The following CLMN variants were observed in gnomAD, a reference collection of about 807,000 sequenced individuals.
CLMN encodes calmin (calponin-like, transmembrane).
CLMN carries 57 observed loss-of-function variants against 92.7 expected under a neutral mutation model. The observed-to-expected ratio is 0.61, with a 90% CI of 0.50 to 0.77. CLMN has a LOEUF of 0.77. Ranked by LOEUF, CLMN falls within the 30% of genes least tolerant of loss-of-function variation. CLMN has a pLI of 0.00. For synonymous variants in CLMN, 466 were observed against 470.6 expected (o/e 0.99, Z 0.13); for missense variants, 1,158 against 1,237.5 (o/e 0.94, Z 0.96).
intron 1 of CLMN, among the ~76,000 whole-genome samples, chr14:95,314,013 T>C (rs936834572): frequency 2.0e-5 from 3 of 152,260 alleles, no homozygotes; most frequent in Admixed American, 6.5e-5. Context: ...AAGTCGTGGC[T>C]GCTGACACGT....
In CLMN at chr14:95,191,816, C is replaced by A; in HGVS notation, c.2841-84G>T. 1 of 1,363,132 alleles carries A rather than the reference C, an allele frequency of 7.3e-7. No individual in the cohort carries two copies. Among genetic ancestry groups the A allele is most frequent in the South Asian group, 1.4e-5 (1 of 72,846 alleles). 84.4% of individuals were successfully genotyped at this position (1,363,132 alleles called of 1,614,324 possible). A position where few individuals can be genotyped will look rare whatever the true frequency, so the allele number is the denominator to read the frequency against. On this transcript the variant is annotated intron_variant, in intron 12 of 12. Coordinates refer to ENST00000298912, the MANE Select transcript of CLMN (RefSeq NM_024734.4). The surrounding 1 kb of genome is among the most constrained non-coding windows in gnomAD (Gnocchi z 5.3). ...CCACCCAGTGCTACCCGTCTCTCCC[C>A]GGCCCCCACTCCCCGCCTGAAGACC...
intron 1 of CLMN, among the ~76,000 whole-genome samples, chr14:95,262,477 TCAGG>T (rs1321854099): frequency 2.6e-5 from 4 of 152,246 alleles, no homozygotes; most frequent in African/African-American, 9.6e-5. Flanking sequence ...TTGTTATGTG[TCAGG>T]CAGGCACTGT....
In CLMN at chr14:95,194,180, A is replaced by G; in HGVS notation, c.2770-261T>C. On this transcript the variant is annotated intron_variant, in intron 11 of 12. Transcript: ENST00000298912. This position sits in a 1 kb window ranked among gnomAD's most constrained non-coding sequence, Gnocchi z 4.0. ...GGTGTGCTGCTCCGGGTTCTAACAC[A>G]TCTGCTACTGAGCACGTGCCACTGT... 7.2e-7 allele frequency: 1 copy of G among 1,397,162 alleles called. No individual in the cohort carries two copies. Among genetic ancestry groups the G allele is most frequent in the Middle Eastern group, 2.7e-4 (1 of 3,754 alleles). The allele number at this position is 1,397,162 out of a possible 1,614,324, so 86.5% of individuals were successfully genotyped here.
Position 95,215,652 on chromosome 14 carries a change from G to A in CLMN, c.406C>T (p.Leu136Phe), listed in dbSNP as rs751447764. The A allele has an allele frequency of 6.2e-7, 1 of 1,613,340 alleles. No individual in the cohort carries two copies. Among genetic ancestry groups the A allele is most frequent in the Non-Finnish European group, 8.5e-7 (1 of 1,179,424 alleles). Residue 136 changes from leucine to phenylalanine, a missense_variant, in exon 5 of 13, where the codon CTC (leucine) becomes TTC (phenylalanine). Transcript: ENST00000298912. ...AGAAATGATCTTACCTGGAAGAAGA[G>A]GATTATGTTCCATATCAGCCCAAGA... Reference protein sequence around the residue: ...LVLGLIWNIILFFQIKELTGN... With the variant: ...LVLGLIWNIIFFFQIKELTGN...
intron 1 of CLMN, among the ~76,000 whole-genome samples, chr14:95,289,530 C>A (rs1900480168): frequency 6.6e-6 from 1 of 151,170 alleles, no homozygotes; most frequent in Non-Finnish European, 1.5e-5. Flanking sequence ...AACAAAAAAA[C>A]CGTTGTTCTA....
At chr14:95,255,123 G>A (rs1388225831) in intron 1 of CLMN, among the ~76,000 whole-genome samples, 1 of 152,184 alleles carries the variant, frequency 6.6e-6, no homozygotes, top group African/African-American at 2.4e-5. Context: ...ATGACCATGA[G>A]AGGAGGGGCA....
At position 95,304,606 on chromosome 14, in the gene CLMN, G is replaced by A. The variant is rs188137189; in HGVS notation, c.82+15105C>T. ...GAACTGGAAGTTTATTCTCTGAAGA[G>A]GTTAAAAATACTGAGAAGATCTCAA... On this transcript the variant is annotated intron_variant, in intron 1 of 12. Coordinates refer to ENST00000298912, the MANE Select transcript of CLMN (RefSeq NM_024734.4). 3.3e-5 allele frequency among the ~76,000 whole-genome samples: 5 copies of A among 152,058 alleles called. No homozygotes were observed. In the East Asian group the frequency reaches 9.7e-4, roughly 29 times the overall value.
intron 1 of CLMN, among the ~76,000 whole-genome samples, chr14:95,281,509 T>C (rs1472397237): frequency 1.3e-5 from 2 of 152,240 alleles, no homozygotes; most frequent in Non-Finnish European, 2.9e-5. Context: ...TTTTGAGTTT[T>C]TTCTGCAATT....
At position 95,203,240 on chromosome 14, in the gene CLMN, G is replaced by A. The variant is rs1275934978; in HGVS notation, c.2109C>T (p.His703=). 4 of 1,613,962 alleles carry A rather than the reference G, an allele frequency of 2.5e-6. No individual in the cohort carries two copies. The highest frequency in any genetic ancestry group is 2.7e-5 in the African/African-American group (2 of 75,034). The change falls in exon 9 of 13, where the codon CAC becomes CAT. Residue 703 remains histidine (H), a synonymous_variant. Transcript: ENST00000298912. ...SCVSLETLGS[H]SEEGLDFKPS... ...GCTTGAAATCCAGGCCTTCTTCGCT[G>A]TGACTCCCAAGGGTCTCCAAGCTGA...
intron 1 of CLMN, among the ~76,000 whole-genome samples, chr14:95,268,777 CCTCT>C (rs1195649669): frequency 0.015 from 1,952 of 129,632 alleles, 39 homozygotes; most frequent in African/African-American, 0.025. Context: ...TATACTGGGA[CCTCT>C]CTCTCTCTCT....
rs1448917386 is a variant in CLMN, at chr14:95,222,342, G to A, written c.241-568C>T. ...AAAGAGAAAGAAAGAGACGTCTGCA[G>A]AAGCTAAAACTCTGACAAGGTTAGC... is the stretch of plus-strand genomic sequence containing the variant. On this transcript the variant is annotated intron_variant, in intron 3 of 12. Transcript: ENST00000298912. The A allele has an allele frequency of 1.6e-5, 4 of 250,082 alleles. No individual in the cohort carries two copies. The East Asian group carries it at 3.5e-4, about 22-fold the overall frequency. 15.5% of individuals were successfully genotyped at this position (250,082 alleles called of 1,614,324 possible).
At chr14:95,231,316 C>A (rs1897881836) in intron 1 of CLMN, among the ~76,000 whole-genome samples, 2 of 151,900 alleles carry the variant, frequency 1.3e-5, no homozygotes, top group Non-Finnish European at 2.9e-5. Context: ...CCTGCCTCAG[C>A]CTCCAGAGTA....
chr14:95,194,251 C>A lies in CLMN; in HGVS notation c.2769+285G>T. ...TTGCACCTCTGTCTCTGAACGTGAT[C>A]CTTCTGGGTGCGCGCGGGGTCCAGG... On this transcript the variant is annotated intron_variant, in intron 11 of 12. Transcript: ENST00000298912. The surrounding 1 kb of genome is among the most constrained non-coding windows in gnomAD (Gnocchi z 4.0). The A allele has an allele frequency of 7.2e-7, 1 of 1,387,664 alleles. No individual in the cohort carries two copies. 86.0% of individuals were successfully genotyped at this position (1,387,664 alleles called of 1,614,324 possible). A position where few individuals can be genotyped will look rare whatever the true frequency, so the allele number is the denominator to read the frequency against.
At chr14:95,276,673 T>G (rs1899940893) in intron 1 of CLMN, among the ~76,000 whole-genome samples, 1 of 152,142 alleles carries the variant, frequency 6.6e-6, no homozygotes, top group Non-Finnish European at 1.5e-5. Context: ...TCTCCATCTT[T>G]CCCAGAGACC....
chr14:95,223,599 C>T (rs891052742), intron 3 of CLMN, among the ~76,000 whole-genome samples, 161 bp downstream of exon 3: 4 of 152,092 alleles, frequency 2.6e-5, no homozygotes, highest in Admixed American at 6.6e-5. Context: ...AGTACTAGTT[C>T]ATTCCACATG....
intron 1 of CLMN, among the ~76,000 whole-genome samples, chr14:95,253,028 G>A (rs541090626): frequency 6.6e-6 from 1 of 152,238 alleles, no homozygotes; most frequent in South Asian, 2.1e-4. Context: ...GAAACTGAGG[G>A]TGATTTTAGG....
At position 95,235,539 on chromosome 14, in the gene CLMN, G is replaced by C. The variant is rs973540579; in HGVS notation, c.83-5406C>G. Among the ~76,000 whole-genome samples, 4 of 152,306 alleles carry C rather than the reference G, an allele frequency of 2.6e-5. No homozygotes were observed. In the Middle Eastern group the frequency reaches 0.01, roughly 389 times the overall value. On this transcript the variant is annotated intron_variant, in intron 1 of 12. Transcript: ENST00000298912. ...ACAGTCACTTGAAACAATTAAGTGA[G>C]ATATTGCAAAGGGAATGACTCGTGG...
chr14:95,271,953 A>G (rs1899726915), intron 1 of CLMN, among the ~76,000 whole-genome samples: 1 of 152,070 alleles, frequency 6.6e-6, no homozygotes, highest in South Asian at 2.1e-4. Flanking sequence ...CAATTTTGAG[A>G]CTCATCTGTG....
At chr14:95,201,419 T>C (rs1361128184) in intron 9 of CLMN, among the ~76,000 whole-genome samples, 3 of 151,650 alleles carry the variant, frequency 2.0e-5, no homozygotes, top group African/African-American at 7.3e-5. Context: ...TTTCCCACAC[T>C]ATGAGGTTCC....
Sources: gnomAD v4.1 joint callset for allele counts (sites outside exome capture counted in the v4.1 genomes callset) on GRCh38, gnomAD v4.1.1 for gene constraint, Gnocchi (gnomAD v3.1) non-coding constraint, MANE v1.5 for transcripts, NCBI Gene and HGNC (gene_info 2026-07-23, HGNC 2026-07-21) for gene names.